The following P3H1 variants were observed in gnomAD, a reference collection of about 807,000 sequenced individuals.
The protein encoded by P3H1 is growth suppressor 1.
A neutral mutation model predicts 84.0 loss-of-function variants in P3H1; 69 were observed. That is an observed-to-expected ratio of 0.82 (90% CI 0.68 to 1.00). The LOEUF is 1.00. Ranked by LOEUF, P3H1 falls within the 50% of genes least tolerant of loss-of-function variation. The pLI, the probability that P3H1 is intolerant of heterozygous loss-of-function variation, is 0.00. For missense variants in P3H1, 878 were observed against 962.8 expected (o/e 0.91, Z 1.17); for synonymous variants, 366 against 388.8 (o/e 0.94, Z 0.69).
chr1:42,755,509 CT>C (rs757512525), intron 6 of P3H1, 38 bp downstream of exon 6: 155 of 1,536,670 alleles, frequency 1.0e-4, no homozygotes, highest in Non-Finnish European at 6.2e-5. Context: ...CCTGCTCACT[CT>C]TTCCCCGCTC....
At position 42,746,566 on chromosome 1, in the gene P3H1, G is replaced by A. The variant is rs377236250; in HGVS notation, c.*131C>T. On this transcript the variant is annotated 3_prime_UTR_variant, in exon 15 of 15. Transcript: ENST00000296388. ...GCAGTAGCACCATGTAGAAGGCTGTGAGCAGGGTCCCCTCGGCTGAGTGGC... is the reference window on the plus strand; with the variant it reads ...GCAGTAGCACCATGTAGAAGGCTGTAAGCAGGGTCCCCTCGGCTGAGTGGC... The A allele has an allele frequency of 5.5e-6, 4 of 731,520 alleles. No homozygotes were observed. The highest frequency in any genetic ancestry group is 3.5e-5 in the African/African-American group (2 of 57,186). The allele number at this position is 731,520 out of a possible 1,614,324, so 45.3% of individuals were successfully genotyped here.
intron 6 of P3H1, 149 bp downstream of exon 6, chr1:42,755,399 G>T: frequency 1.1e-6 from 1 of 932,014 alleles, no homozygotes; most frequent in Non-Finnish European, 1.7e-6. Context: ...CCTTTCATCT[G>T]TCTCTCATCC....
chr1:42,747,918 T>A, intron 12 of P3H1, 120 bp from the exon 13 acceptor site: 1 of 944,518 alleles, frequency 1.1e-6, no homozygotes, highest in Non-Finnish European at 1.7e-6. Flanking sequence ...GGGAAACCTT[T>A]AAGAACCTAT....
intron 13 of P3H1, 116 bp downstream of exon 13, chr1:42,747,607 A>T: frequency 8.5e-7 from 1 of 1,171,224 alleles, no homozygotes; most frequent in Non-Finnish European, 1.3e-6. Context: ...GGATGGGGGA[A>T]GGGTACCGCC....
chr1:42,758,855 T>C lies in P3H1; in HGVS notation c.937A>G (p.Asn313Asp). 1 of 1,614,144 alleles carries C rather than the reference T, an allele frequency of 6.2e-7. No individual in the cohort carries two copies. Among genetic ancestry groups the C allele is most frequent in the Non-Finnish European group, 8.5e-7 (1 of 1,179,988 alleles). The change falls in exon 4 of 15, where the codon AAC (asparagine) becomes GAC (aspartate). Residue 313 changes from asparagine (N) to aspartate (D), a missense_variant. Coordinates refer to ENST00000296388, the MANE Select transcript of P3H1 (RefSeq NM_022356.4). Reference protein sequence around the residue: ...HYNYLQFAYYNIGNYTQAVEC... With the variant: ...HYNYLQFAYYDIGNYTQAVEC... ...GAGGAAGGAAAGTAGGCCTTACTGT[T>C]ATAGTAGGCAAACTGCAGATAATTA...
Position 42,759,339 on chromosome 1 carries a change from C to T in P3H1, c.670G>A (p.Ala224Thr). The change falls in exon 3 of 15, where the codon GCT (alanine) becomes ACT (threonine). Residue 224 changes from alanine (A) to threonine (T), a missense_variant. By Grantham distance (58) the Ala-to-Thr change is moderately conservative. Transcript: ENST00000296388. Reference protein sequence around the residue: ...RLYSEEQPQEAVPHLEAALQE... With the variant: ...RLYSEEQPQETVPHLEAALQE... Reference sequence around the variant, plus strand: ...AGCGCCGCCTCTAGGTGGGGCACAGCTTCCTGTGGCTGTTCCTCTGAGTAG... The same window carrying T: ...AGCGCCGCCTCTAGGTGGGGCACAGTTTCCTGTGGCTGTTCCTCTGAGTAG... The T allele has an allele frequency of 1.9e-6, 3 of 1,614,184 alleles. No homozygotes were observed. The highest frequency in any genetic ancestry group is 2.5e-6 in the Non-Finnish European group (3 of 1,180,036).
Position 42,750,672 on chromosome 1 carries a change from G to A in P3H1, c.1570-336C>T, listed in dbSNP as rs1391807483. Among the ~76,000 whole-genome samples the A allele has an allele frequency of 1.6e-4, 17 of 108,936 alleles. 1 individual carries two copies. Among genetic ancestry groups the A allele is most frequent in the African/African-American group, 2.0e-4 (5 of 24,664 alleles). 71.5% of individuals were successfully genotyped at this position (108,936 alleles called of 152,430 possible). On this transcript the variant is annotated intron_variant, in intron 10 of 14. Coordinates refer to ENST00000296388, the MANE Select transcript of P3H1 (RefSeq NM_022356.4). ...GGCCGGGGGGGGTGGTCGGCCAGCC[G>A]CCCCGTCCGGGAGGGAGGTGGGGGG...
chr1:42,762,392 T>C lies in P3H1; in HGVS notation c.549A>G (p.Leu183=). The change falls in exon 2 of 15, where the codon CTA becomes CTG. Residue 183 remains leucine (L), a synonymous_variant. Coordinates refer to ENST00000296388, the MANE Select transcript of P3H1 (RefSeq NM_022356.4). The part of the protein sequence containing the change: ...NPEHMEMQQN[L]DYYQTMSGVK... ...CTCCAGACATGGTTTGGTAATAGTC[T>C]AGGTTCTGCTGCATTTCCATGTGCT... 1 of 1,614,164 alleles carries C rather than the reference T, an allele frequency of 6.2e-7. No individual in the cohort carries two copies. The highest frequency in any genetic ancestry group is 1.1e-5 in the South Asian group (1 of 91,080).
Position 42,754,304 on chromosome 1 carries a change from G to A in P3H1, c.1345+565C>T, listed in dbSNP as rs189275735. On this transcript the variant is annotated intron_variant, in intron 8 of 14. Transcript: ENST00000296388. This position sits in a 1 kb window ranked among gnomAD's most constrained non-coding sequence, Gnocchi z 4.0. ...GGAGAGAGCTGAGAAGCACTGCAGA[G>A]CAGAGCCACAATCAGTAGGCCTTCC... 6.6e-6 allele frequency among the ~76,000 whole-genome samples: 1 copy of A among 152,276 alleles called. No individual in the cohort carries two copies. The highest frequency in any genetic ancestry group is 1.9e-4 in the East Asian group (1 of 5,176).
chr1:42,746,414 C>G lies in P3H1; in HGVS notation c.*283G>C, dbSNP rs963284888. 4.4e-6 allele frequency: 2 copies of G among 454,152 alleles called. No homozygotes were observed. Among genetic ancestry groups the G allele is most frequent in the Admixed American group, 3.7e-5 (1 of 26,690 alleles). 28.1% of individuals were successfully genotyped at this position (454,152 alleles called of 1,614,324 possible). On this transcript the variant is annotated 3_prime_UTR_variant, in exon 15 of 15. Coordinates refer to ENST00000296388, the MANE Select transcript of P3H1 (RefSeq NM_022356.4). ...ATCATTTATTCTTTGGTTGTCTACA[C>G]AGACACTTAAGTACTGTATCGCTGT...
intron 10 of P3H1, 49 bp downstream of exon 10, chr1:42,752,225 C>T (rs894145508): frequency 1.3e-6 from 2 of 1,495,636 alleles, no homozygotes; most frequent in East Asian, 2.3e-5. Flanking sequence ...GAGCTTCCCC[C>T]TTCCCCACCC....
intron 5 of P3H1, 52 bp from the exon 6 acceptor site, chr1:42,755,689 C>G: frequency 6.9e-7 from 1 of 1,446,386 alleles, no homozygotes; most frequent in Non-Finnish European, 9.7e-7. Flanking sequence ...TGTCTTTTAA[C>G]CTCTGGGAGT....
intron 1 of P3H1, among the ~76,000 whole-genome samples, chr1:42,764,582 A>G (rs1160740276): frequency 1.3e-5 from 2 of 152,156 alleles, no homozygotes; most frequent in Admixed American, 6.5e-5. Flanking sequence ...AGCATTCTCT[A>G]GCTATCTCCT....
intron 11 of P3H1, 168 bp downstream of exon 11, chr1:42,750,018 T>A (rs1651940909): frequency 1.3e-6 from 1 of 781,794 alleles, no homozygotes; most frequent in East Asian, 2.7e-5. Flanking sequence ...TATAACTTCC[T>A]CCATGCTACT....
At chr1:42,751,073 A>T (rs1652045166) in intron 10 of P3H1, among the ~76,000 whole-genome samples, 1 of 131,190 alleles carries the variant, frequency 7.6e-6, no homozygotes, top group South Asian at 3.0e-4. Flanking sequence ...AGGTGTGCCC[A>T]GCGGCTCATT....
chr1:42,763,837 A>T (rs1652850745), intron 1 of P3H1, among the ~76,000 whole-genome samples: 1 of 152,090 alleles, frequency 6.6e-6, no homozygotes, highest in Non-Finnish European at 1.5e-5. Context: ...AACTATGTGG[A>T]CACTGGTATC....
rs1653052955 is a variant in P3H1, at chr1:42,766,985, C to T, written c.-14G>A. On this transcript the variant is annotated 5_prime_UTR_variant, in exon 1 of 15. Coordinates refer to ENST00000296388, the MANE Select transcript of P3H1 (RefSeq NM_022356.4). Reference sequence around the variant, plus strand: ...GCGTACCGCCATCGCTCCCTCAGACCTAACGGAACCGCCAGCCACCCGCCA... The same window carrying T: ...GCGTACCGCCATCGCTCCCTCAGACTTAACGGAACCGCCAGCCACCCGCCA... 2 of 1,604,650 alleles carry T rather than the reference C, an allele frequency of 1.2e-6. No homozygotes were observed. The highest frequency in any genetic ancestry group is 8.5e-7 in the Non-Finnish European group (1 of 1,179,104).
At position 42,747,048 on chromosome 1, in the gene P3H1, C is replaced by T. The variant is rs780471282; in HGVS notation, c.2056-196G>A. The T allele has an allele frequency of 3.7e-6, 6 of 1,614,076 alleles. No individual in the cohort carries two copies. The Admixed American group carries it at 8.3e-5, about 22-fold the overall frequency. ...GGGAACCAAGAACTCAGCATCGCTCCCTGTCTTGACCTCTTTCCCCACCTG... is the reference window on the plus strand; with the variant it reads ...GGGAACCAAGAACTCAGCATCGCTCTCTGTCTTGACCTCTTTCCCCACCTG... On this transcript the variant is annotated intron_variant, in intron 14 of 14. Coordinates refer to ENST00000296388, the MANE Select transcript of P3H1 (RefSeq NM_022356.4).
intron 2 of P3H1, among the ~76,000 whole-genome samples, chr1:42,759,596 CT>C (rs1652594602): frequency 6.6e-6 from 1 of 152,064 alleles, no homozygotes; most frequent in Non-Finnish European, 1.5e-5. Flanking sequence ...ACATTTAGCT[CT>C]TTTTTTCTTT....
Sources: allele counts gnomAD v4.1 joint callset (sites outside exome capture counted in the v4.1 genomes callset), GRCh38; gene constraint gnomAD v4.1.1; non-coding constraint Gnocchi (gnomAD v3.1); transcripts MANE v1.5; gene names NCBI Gene and HGNC (gene_info 2026-07-23, HGNC 2026-07-21).